The following SYNRG variants were observed in gnomAD, a reference collection of about 807,000 sequenced individuals.
The protein encoded by SYNRG is AP1 gamma subunit binding protein 1.
Under a neutral mutation model 130.9 loss-of-function variants are expected in SYNRG, and 37 were observed. The observed-to-expected ratio is 0.28, with a 90% confidence interval of 0.22 to 0.37. The LOEUF (loss-of-function observed/expected upper bound fraction) is 0.37, where lower values mean the gene tolerates loss of function less well. SYNRG is among the 10% of genes least tolerant of loss of function. The pLI is 1.00. For synonymous variants in SYNRG, 539 were observed against 568.1 expected (o/e 0.95, Z 0.73); for missense variants, 1,338 against 1,588.9 (o/e 0.84, Z 2.68).
At position 37,570,628 on chromosome 17, in the gene SYNRG, G is replaced by C. The variant is rs1037558265; in HGVS notation, c.1347+9C>G. 1.2e-6 allele frequency: 2 copies of C among 1,605,310 alleles called. No individual in the cohort carries two copies. Among genetic ancestry groups the C allele is most frequent in the Non-Finnish European group, 1.7e-6 (2 of 1,175,700 alleles). Reference sequence around the variant, plus strand: ...GATTATCTGAAATATGCACAGCTTCGCCATTTACCTGATTTGCAGGGTAGG... The same window carrying C: ...GATTATCTGAAATATGCACAGCTTCCCCATTTACCTGATTTGCAGGGTAGG... On this transcript the variant is annotated intron_variant, in intron 10 of 21. Coordinates refer to ENST00000612223, the MANE Select transcript of SYNRG (RefSeq NM_007247.6).
chr17:37,603,282 T>C (rs539565913), intron 1 of SYNRG, among the ~76,000 whole-genome samples: 34 of 152,118 alleles, frequency 2.2e-4, no homozygotes, highest in Admixed American at 5.2e-4. Context: ...AGTGGGAGGA[T>C]TGCTTGAGCC....
intron 20 of SYNRG, 100 bp downstream of exon 20, chr17:37,520,438 C>A: frequency 8.0e-7 from 1 of 1,246,934 alleles, no homozygotes; most frequent in Non-Finnish European, 1.2e-6. Context: ...AAAATCCCCA[C>A]CTCTGGTCAC....
intron 6 of SYNRG, among the ~76,000 whole-genome samples, chr17:37,580,353 G>T (rs1451027236): frequency 2.0e-5 from 3 of 150,362 alleles, no homozygotes; most frequent in Non-Finnish European, 3.0e-5. Flanking sequence ...AGAGTGCAAT[G>T]GCATGAGCTC....
At chr17:37,600,553 GAGCATCCATAGGATGCATGTC>G (rs1163692205) in intron 1 of SYNRG, 150 bp from the exon 2 acceptor site, 6 of 787,610 alleles carry the variant, frequency 7.6e-6, no homozygotes, top group South Asian at 7.3e-5. Flanking sequence ...TCAGTACACT[GAGCATCCATAGGATGCATGTC>G]AGCATGCTAC....
Position 37,542,446 on chromosome 17 carries a change from G to T in SYNRG, c.2728C>A (p.Pro910Thr), listed in dbSNP as rs752488021. Reference sequence around the variant, plus strand: ...CCACTTCCTGCTGAGAGGACAAATGGAGAGAGTTTTCTGCCCTGAGTTGCA... The same window carrying T: ...CCACTTCCTGCTGAGAGGACAAATGTAGAGAGTTTTCTGCCCTGAGTTGCA... Reference protein sequence around the residue: ...DDATQGRKLSPFVLSAGSGSP... With the variant: ...DDATQGRKLSTFVLSAGSGSP... Residue 910 changes from proline to threonine, a missense_variant, in exon 15 of 22, where the codon CCA becomes ACA. By Grantham distance (38) the Pro-to-Thr change is conservative. This residue lies in a region of SYNRG where 1,146 missense variants were observed against 1,342.3 expected (regional missense o/e 0.85). Transcript: ENST00000612223. 28 of 1,614,022 alleles carry T rather than the reference G, an allele frequency of 1.7e-5. No homozygotes were observed. In the Admixed American group the frequency reaches 2.5e-4, roughly 14 times the overall value.
intron 17 of SYNRG, among the ~76,000 whole-genome samples, chr17:37,538,732 T>C (rs1568309468): frequency 6.6e-6 from 1 of 152,162 alleles, no homozygotes; most frequent in Non-Finnish European, 1.5e-5. Flanking sequence ...GTAGCTGAGA[T>C]TACAGGCACG....
chr17:37,604,931 T>A (rs1477525828), intron 1 of SYNRG, among the ~76,000 whole-genome samples: 2 of 152,202 alleles, frequency 1.3e-5, no homozygotes, highest in Non-Finnish European at 2.9e-5. Context: ...TCAATTACGT[T>A]TGCTGTCTTA....
At chr17:37,586,598 T>A in intron 3 of SYNRG, 49 bp from the exon 4 acceptor site, 2 of 1,597,512 alleles carry the variant, frequency 1.3e-6, no homozygotes, top group Non-Finnish European at 1.7e-6. Context: ...TCCCTTTAAT[T>A]ATCACACACA....
At chr17:37,592,870 G>A (rs181533373) in intron 3 of SYNRG, among the ~76,000 whole-genome samples, 15 of 152,214 alleles carry the variant, frequency 9.9e-5, no homozygotes, top group African/African-American at 3.6e-4. Context: ...TGCTGGTTGT[G>A]TTACTATATT....
chr17:37,528,233 G>A lies in SYNRG; in HGVS notation c.3667-7585C>T, dbSNP rs568460301. ...AGATGGCCTCTGCACTTCTTGGCTC[G>A]TGGTCCTATCTCAAAGCCAGCAGGT... is the stretch of plus-strand genomic sequence containing the variant. On this transcript the variant is annotated intron_variant, in intron 19 of 21. Coordinates refer to ENST00000612223, the MANE Select transcript of SYNRG (RefSeq NM_007247.6). Among the ~76,000 whole-genome samples, 19 of 152,182 alleles carry A rather than the reference G, an allele frequency of 1.2e-4. No individual in the cohort carries two copies. In the East Asian group the frequency reaches 3.1e-3, roughly 25 times the overall value.
chr17:37,576,008 G>A (rs1251919852), intron 8 of SYNRG, among the ~76,000 whole-genome samples: 2 of 151,264 alleles, frequency 1.3e-5, no homozygotes, highest in South Asian at 2.1e-4. Flanking sequence ...AAATATTTTG[G>A]TAAAATTCTT....
intron 21 of SYNRG, 114 bp downstream of exon 21, chr17:37,520,065 T>G (rs574850320): frequency 1.7e-6 from 2 of 1,171,500 alleles, no homozygotes; most frequent in Admixed American, 3.6e-5. Flanking sequence ...ACTGACTCAG[T>G]GAAGGATTCA....
At chr17:37,570,468 A>G (rs886282506) in intron 10 of SYNRG, among the ~76,000 whole-genome samples, 169 bp downstream of exon 10, 1 of 152,206 alleles carries the variant, frequency 6.6e-6, no homozygotes, top group Non-Finnish European at 1.5e-5. Context: ...GAGAAGTGAA[A>G]AACTAAAGTA....
At chr17:37,591,398 A>C (rs4262994) in intron 3 of SYNRG, among the ~76,000 whole-genome samples, 26,594 of 152,194 alleles carry the variant, frequency 0.17, 2,793 homozygotes, top group East Asian at 0.53. Flanking sequence ...ATTCTCCCTA[A>C]ATTCATACAG....
At chr17:37,598,915 T>G (rs994267623) in intron 2 of SYNRG, among the ~76,000 whole-genome samples, 1 of 152,238 alleles carries the variant, frequency 6.6e-6, no homozygotes, top group Non-Finnish European at 1.5e-5. Context: ...CCATTTGATC[T>G]CAATCTGGGA....
chr17:37,576,534 A>G, intron 7 of SYNRG, 116 bp from the exon 8 acceptor site: 1 of 863,104 alleles, frequency 1.2e-6, no homozygotes, highest in Non-Finnish European at 1.7e-6. Context: ...AAAGTCACCA[A>G]TACAATTAAA....
At chr17:37,572,055 T>C (rs1426889529) in intron 8 of SYNRG, 68 bp from the exon 9 acceptor site, 3 of 1,338,346 alleles carry the variant, frequency 2.2e-6, no homozygotes, top group African/African-American at 1.5e-5. Flanking sequence ...GGGATGCCAT[T>C]GTTGGTATAC....
intron 3 of SYNRG, among the ~76,000 whole-genome samples, chr17:37,592,777 T>G (rs72830424): frequency 6.6e-6 from 1 of 152,292 alleles, no homozygotes; most frequent in Non-Finnish European, 1.5e-5. Flanking sequence ...AGGAAGGAAG[T>G]GAATACAGCT....
At chr17:37,565,850 G>A (rs1434694649) in intron 11 of SYNRG, among the ~76,000 whole-genome samples, 1 of 151,302 alleles carries the variant, frequency 6.6e-6, no homozygotes, top group African/African-American at 2.4e-5. Context: ...CCACCCGGCA[G>A]CCACCCCATC....
Sources: allele counts gnomAD v4.1 joint callset (sites outside exome capture counted in the v4.1 genomes callset), GRCh38; gene constraint gnomAD v4.1.1; regional missense constraint gnomAD v4.1.1; transcripts MANE v1.5; gene names NCBI Gene and HGNC (gene_info 2026-07-23, HGNC 2026-07-21).